The following GULP1 variants were observed in gnomAD, a reference collection of about 807,000 sequenced individuals.
GULP1 encodes PTB domain-containing engulfment adapter protein 1.
A neutral mutation model predicts 40.9 loss-of-function variants in GULP1; 19 were observed. The observed-to-expected ratio is 0.46, with a 90% confidence interval of 0.32 to 0.68. The LOEUF is 0.68. Among genes scored for constraint, GULP1 ranks in the 30% least tolerant of loss-of-function variants. The pLI is 0.03. For synonymous variants in GULP1, 119 were observed against 117.6 expected (o/e 1.01, Z -0.08); for missense variants, 312 against 362.2 (o/e 0.86, Z 1.12).
intron 1 of GULP1, among the ~76,000 whole-genome samples, chr2:188,331,790 T>C (rs2041626533): frequency 6.6e-6 from 1 of 152,212 alleles, no homozygotes; most frequent in South Asian, 2.1e-4. Flanking sequence ...TTTACTTATT[T>C]TTACATTCCT....
At chr2:188,322,897 T>C (rs889718916) in intron 1 of GULP1, among the ~76,000 whole-genome samples, 3 of 152,142 alleles carry the variant, frequency 2.0e-5, no homozygotes, top group African/African-American at 7.2e-5. Flanking sequence ...TCATGTTTTA[T>C]TCTGGCCAAA....
At chr2:188,421,879 A>G (rs976548265) in intron 2 of GULP1, among the ~76,000 whole-genome samples, 1 of 152,142 alleles carries the variant, frequency 6.6e-6, no homozygotes, top group Non-Finnish European at 1.5e-5. Context: ...TTTGAACTTT[A>G]TCCAACTTCC....
intron 2 of GULP1, among the ~76,000 whole-genome samples, chr2:188,399,363 A>G (rs1371014633): frequency 6.6e-6 from 1 of 152,104 alleles, no homozygotes; most frequent in East Asian, 1.9e-4. Context: ...GGGAGTCAGA[A>G]TGGCTGAGTT....
intron 4 of GULP1, among the ~76,000 whole-genome samples, chr2:188,484,307 C>T (rs368161445): frequency 2.1e-4 from 32 of 152,236 alleles, no homozygotes; most frequent in African/African-American, 7.2e-4. Flanking sequence ...AATCTACGCT[C>T]TGTGTCTTTA....
intron 7 of GULP1, among the ~76,000 whole-genome samples, chr2:188,551,128 A>T (rs1421999366): frequency 1.3e-5 from 2 of 151,678 alleles, no homozygotes; most frequent in Admixed American, 1.3e-4. Flanking sequence ...GAACAAATTT[A>T]TGGAGTAGAT....
At chr2:188,352,624 A>ACACACACACACACG (rs1445872543) in intron 1 of GULP1, among the ~76,000 whole-genome samples, 1 of 147,168 alleles carries the variant, frequency 6.8e-6, no homozygotes, top group African/African-American at 2.5e-5. Context: ...TCTCTCACAC[A>ACACACACACACACG]CACACACACA....
At chr2:188,401,748 ATAACTT>A (rs1190592302) in intron 2 of GULP1, among the ~76,000 whole-genome samples, 1 of 152,182 alleles carries the variant, frequency 6.6e-6, no homozygotes, top group Non-Finnish European at 1.5e-5. Flanking sequence ...AAAGTAGAAA[ATAACTT>A]TAGCTTGAAG....
chr2:188,579,128 C>T (rs1700763161), intron 9 of GULP1, among the ~76,000 whole-genome samples: 1 of 152,188 alleles, frequency 6.6e-6, no homozygotes, highest in Non-Finnish European at 1.5e-5. Context: ...CATCTGATTC[C>T]TTGACTTGAA....
At chr2:188,334,616 C>G (rs986986433) in intron 1 of GULP1, among the ~76,000 whole-genome samples, 2 of 152,148 alleles carry the variant, frequency 1.3e-5, no homozygotes, top group Non-Finnish European at 2.9e-5. Flanking sequence ...AAATCATGGT[C>G]CCTCGCTCAG....
chr2:188,318,193 A>C (rs945963109), intron 1 of GULP1, among the ~76,000 whole-genome samples: 5 of 152,164 alleles, frequency 3.3e-5, no homozygotes, highest in Admixed American at 2.6e-4. Flanking sequence ...AGAATGGAGA[A>C]AATGCAAAGC....
chr2:188,586,599 C>G (rs189910882), intron 10 of GULP1, among the ~76,000 whole-genome samples: 79 of 152,224 alleles, frequency 5.2e-4, no homozygotes, highest in African/African-American at 1.8e-3. Flanking sequence ...ATAGCCCTGG[C>G]TTATAGATTT....
At chr2:188,428,757 C>A (rs1316378750) in intron 2 of GULP1, among the ~76,000 whole-genome samples, 1 of 152,086 alleles carries the variant, frequency 6.6e-6, no homozygotes, top group Non-Finnish European at 1.5e-5. Context: ...TATAATTTAA[C>A]CAGATTCAGG....
intron 1 of GULP1, among the ~76,000 whole-genome samples, chr2:188,359,488 G>A (rs2045807365): frequency 6.6e-6 from 1 of 152,086 alleles, no homozygotes; most frequent in African/African-American, 2.4e-5. Flanking sequence ...TTCTCTGCTA[G>A]CATGGTATTG....
At chr2:188,351,791 A>G (rs1031572389) in intron 1 of GULP1, among the ~76,000 whole-genome samples, 3 of 152,270 alleles carry the variant, frequency 2.0e-5, no homozygotes, top group South Asian at 2.1e-4. Context: ...CTCTTCCTCA[A>G]TCATTTAATG....
intron 1 of GULP1, among the ~76,000 whole-genome samples, chr2:188,365,911 G>A (rs2046719612): frequency 1.3e-5 from 2 of 152,200 alleles, no homozygotes. Context: ...TGCCATCTGG[G>A]CAGACCTAGA....
chr2:188,453,739 G>A (rs967279771), intron 2 of GULP1, among the ~76,000 whole-genome samples: 2 of 152,132 alleles, frequency 1.3e-5, no homozygotes, highest in Non-Finnish European at 2.9e-5. Context: ...CAACCTCACT[G>A]CACTTCATTT....
chr2:188,589,843 A>G (rs1703157787), intron 11 of GULP1: 2 of 577,220 alleles, frequency 3.5e-6, no homozygotes, highest in Non-Finnish European at 5.9e-6. Context: ...ATAAAAATTC[A>G]AACAACAGCT....
At chr2:188,463,859 A>T (rs1313033851) in intron 2 of GULP1, among the ~76,000 whole-genome samples, 1 of 151,876 alleles carries the variant, frequency 6.6e-6, no homozygotes, top group Admixed American at 6.6e-5. Context: ...ATTCTTTTTA[A>T]TTATTTCAAT....
intron 1 of GULP1, among the ~76,000 whole-genome samples, chr2:188,380,590 T>C (rs2048891769): frequency 6.6e-6 from 1 of 152,302 alleles, no homozygotes; most frequent in East Asian, 1.9e-4. Flanking sequence ...CAAGATCTTA[T>C]TTTATATATT....
Sources: allele counts gnomAD v4.1 joint callset (sites outside exome capture counted in the v4.1 genomes callset), GRCh38; gene constraint gnomAD v4.1.1; transcripts MANE v1.5; gene names NCBI Gene and HGNC (gene_info 2026-07-23, HGNC 2026-07-21).